Variants in HDGFL3 observed in about 807,000 individuals in gnomAD.
HDGFL3 encodes hepatoma-derived growth factor-related protein 3.
Under a neutral mutation model 27.6 loss-of-function variants are expected in HDGFL3, and 6 were observed. The observed-to-expected ratio is 0.22, with a 90% CI of 0.12 to 0.43. The LOEUF (loss-of-function observed/expected upper bound fraction) is 0.43. Among genes scored for constraint, HDGFL3 ranks in the 20% least tolerant of loss-of-function variants. The pLI is 1.00. For synonymous variants in HDGFL3, 88 were observed against 88.9 expected, an observed-to-expected ratio of 0.99 and a Z score of 0.05; for missense variants, 207 against 250.1, an observed-to-expected ratio of 0.83 and a Z score of 1.16.
chr15:83,203,529 T>C (rs968473156), intron 1 of HDGFL3, among the ~76,000 whole-genome samples: 5 of 152,060 alleles, frequency 3.3e-5, no homozygotes, highest in Admixed American at 6.5e-5. Flanking sequence ...ACAAAAATAA[T>C]ATTAGTAATG....
chr15:83,178,090 A>G (rs2037334800), intron 1 of HDGFL3, among the ~76,000 whole-genome samples: 1 of 152,218 alleles, frequency 6.6e-6, no homozygotes, highest in Non-Finnish European at 1.5e-5. Context: ...AGGTTTGTGG[A>G]AAGGAAAATG....
intron 1 of HDGFL3, among the ~76,000 whole-genome samples, chr15:83,170,043 T>C (rs753293312): frequency 6.6e-6 from 1 of 152,156 alleles, no homozygotes; most frequent in Non-Finnish European, 1.5e-5. Context: ...CAAGGAGAAC[T>C]ACAAACACTG....
Position 83,132,158 on chromosome 15 carries a change from C to T in HDGFL3, c.*7112G>A, listed in dbSNP as rs28754750. The stretch of plus-strand genomic sequence containing the variant: ...GCTGTTAGGGTTGGATGAGGTAATA[C>T]ATGTAAAGGGCTTAAAACAGTGTCT... On this transcript the variant is annotated 3_prime_UTR_variant, in exon 6 of 6. Coordinates refer to ENST00000299633, the MANE Select transcript of HDGFL3 (RefSeq NM_016073.4). 0.38 allele frequency: 58,094 copies of T among 152,006 alleles called. 13,148 individuals carry two copies. The highest frequency in any genetic ancestry group is 0.64 in the African/African-American group (26,429 of 41,430). 9.4% of individuals were successfully genotyped at this position (152,006 alleles called of 1,614,324 possible). A position where few individuals can be genotyped will look rare whatever the true frequency, so the allele number is the denominator to read the frequency against.
At chr15:83,122,232 G>A (rs1225551586) in intron 3 of HDGFL3, among the ~76,000 whole-genome samples, 1 of 152,060 alleles carries the variant, frequency 6.6e-6, no homozygotes, top group Non-Finnish European at 1.5e-5. Context: ...AAGTTATCAG[G>A]GATTCCTGTT....
intron 1 of HDGFL3, among the ~76,000 whole-genome samples, chr15:83,198,054 C>CAAAAAAAAAAAA (rs766372255): frequency 0.018 from 1,062 of 57,522 alleles, 125 homozygotes; most frequent in Admixed American, 0.022. Context: ...GACTCCGTCT[C>CAAAAAAAAAAAA]AAAAAAAAAA....
At position 83,138,889 on chromosome 15, in the gene HDGFL3, CTAAA is replaced by C; in HGVS notation, c.*377_*380del. 6.3e-6 allele frequency: 1 copy of C among 159,504 alleles called. No individual in the cohort carries two copies. 9.9% of individuals were successfully genotyped at this position (159,504 alleles called of 1,614,324 possible). On this transcript the variant is annotated 3_prime_UTR_variant, in exon 6 of 6. Transcript: ENST00000299633. ...CTTAAGCATTATGTTGAGTGGTCATCTAAAAAATGTTAATTTATATTTAACTGAG... is the reference window on the plus strand; with the variant it reads ...CTTAAGCATTATGTTGAGTGGTCATCAAATGTTAATTTATATTTAACTGAG...
chr15:83,151,305 T>C lies in HDGFL3; in HGVS notation c.516A>G (p.Lys172=). 1.9e-6 allele frequency: 3 copies of C among 1,613,478 alleles called. No individual in the cohort carries two copies. The highest frequency in any genetic ancestry group is 2.5e-6 in the Non-Finnish European group (3 of 1,179,698). Residue 172 remains lysine (K), a synonymous_variant, in exon 5 of 6, where the codon AAA becomes AAG. Transcript: ENST00000299633. ...SPGDEDDKDC[K]EEENKSSSEG... is the part of the protein sequence containing the mutation. ...CAGAGCTGCTTTTGTTTTCCTCTTC[T>C]TTGCAGTCTTTGTCATCTTCATCTC...
chr15:83,122,732 C>A (rs2035383555), intron 3 of HDGFL3: 2 of 1,608,538 alleles, frequency 1.2e-6, no homozygotes, highest in South Asian at 2.2e-5. Flanking sequence ...TTGGTAACTT[C>A]TTTCTCTTTC....
chr15:83,181,804 C>T (rs1231954948), intron 1 of HDGFL3, among the ~76,000 whole-genome samples: 1 of 152,118 alleles, frequency 6.6e-6, no homozygotes, highest in Non-Finnish European at 1.5e-5. Context: ...ATTGAGTTGT[C>T]TGATCTGGCT....
intron 1 of HDGFL3, among the ~76,000 whole-genome samples, chr15:83,169,756 C>T (rs1167589000): frequency 6.6e-6 from 1 of 152,086 alleles, no homozygotes; most frequent in Non-Finnish European, 1.5e-5. Flanking sequence ...GCCGAGATTG[C>T]ATCACTGTAC....
intron 1 of HDGFL3, among the ~76,000 whole-genome samples, chr15:83,204,350 A>G (rs1463166525): frequency 6.6e-6 from 1 of 152,124 alleles, no homozygotes; most frequent in Non-Finnish European, 1.5e-5. Context: ...AGAGAAAAGG[A>G]TCCATTCAAA....
chr15:83,163,301 C>T (rs1215583834), intron 2 of HDGFL3, among the ~76,000 whole-genome samples: 1 of 152,126 alleles, frequency 6.6e-6, no homozygotes, highest in Non-Finnish European at 1.5e-5. Flanking sequence ...TGTTCTTCAC[C>T]TCTTCTCTTT....
At chr15:83,191,813 G>C (rs147435581) in intron 1 of HDGFL3, among the ~76,000 whole-genome samples, 2 of 151,570 alleles carry the variant, frequency 1.3e-5, no homozygotes, top group Non-Finnish European at 2.9e-5. Flanking sequence ...AAAAATCACC[G>C]AATCCAAGCA....
Position 83,140,553 on chromosome 15 carries a change from C to A in HDGFL3, c.607-1278G>T, listed in dbSNP as rs185185367. Among the ~76,000 whole-genome samples the A allele has an allele frequency of 4.9e-3, 722 of 146,072 alleles. 2 individuals are homozygous for A. The highest frequency in any genetic ancestry group is 7.1e-3 in the Non-Finnish European group (477 of 67,396). Reference sequence around the variant, plus strand: ...CTGGAGTACAGTGGCGTGATGTGAGCTCACTGCAACCTCCACCTCCCCGGT... The same window carrying A: ...CTGGAGTACAGTGGCGTGATGTGAGATCACTGCAACCTCCACCTCCCCGGT... On this transcript the variant is annotated intron_variant, in intron 5 of 5. Transcript: ENST00000299633.
rs953775880 is a variant in HDGFL3, at chr15:83,134,750, C to A, written c.*4520G>T. On this transcript the variant is annotated 3_prime_UTR_variant, in exon 6 of 6. Transcript: ENST00000299633. ...TATCTATAAAGACAGAACCACCAAA[C>A]CCAGATTTCTGAGAACCAGGGATCA... 2.0e-5 allele frequency: 3 copies of A among 152,208 alleles called. No individual in the cohort carries two copies. Among genetic ancestry groups the A allele is most frequent in the African/African-American group, 7.2e-5 (3 of 41,448 alleles). The allele number at this position is 152,208 out of a possible 1,614,324, so 9.4% of individuals were successfully genotyped here. A position where few individuals can be genotyped will look rare whatever the true frequency, so the allele number is the denominator to read the frequency against.
chr15:83,194,127 T>G (rs2037543555), intron 1 of HDGFL3, among the ~76,000 whole-genome samples: 1 of 152,196 alleles, frequency 6.6e-6, no homozygotes, highest in Non-Finnish European at 1.5e-5. Flanking sequence ...TTCATGTTCA[T>G]AACAGCATCA....
chr15:83,207,562 C>A lies in HDGFL3; in HGVS notation c.-148G>T. On this transcript the variant is annotated 5_prime_UTR_variant, in exon 1 of 6. Transcript: ENST00000299633. The surrounding 1 kb of genome is among the most constrained non-coding windows in gnomAD (Gnocchi z 4.8). ...GCTCCGACGAGGGGAAGCGGCGAGG[C>A]GGCGGCTGAGGCAAGGGGTGGGCGG... 2 of 508,978 alleles carry A rather than the reference C, an allele frequency of 3.9e-6. No individual in the cohort carries two copies. 31.5% of individuals were successfully genotyped at this position (508,978 alleles called of 1,614,324 possible).
chr15:83,136,675 A>G lies in HDGFL3; in HGVS notation c.*2595T>C. 1 of 1,589,772 alleles carries G rather than the reference A, an allele frequency of 6.3e-7. No homozygotes were observed. Among genetic ancestry groups the G allele is most frequent in the Non-Finnish European group, 8.5e-7 (1 of 1,172,224 alleles). The stretch of plus-strand genomic sequence containing the variant: ...AGGCAGAAGAAAAAGTGGAATAAAA[A>G]TATTACTTCATGTTCCTCCTTTCTA... On this transcript the variant is annotated 3_prime_UTR_variant, in exon 6 of 6. Coordinates refer to ENST00000299633, the MANE Select transcript of HDGFL3 (RefSeq NM_016073.4).
chr15:83,176,292 A>C (rs2037309343), intron 1 of HDGFL3, among the ~76,000 whole-genome samples: 1 of 152,244 alleles, frequency 6.6e-6, no homozygotes, highest in South Asian at 2.1e-4. Context: ...AAATCTCTTA[A>C]AATAAAAGCT....
Sources: allele counts gnomAD v4.1 joint callset (sites outside exome capture counted in the v4.1 genomes callset), GRCh38; gene constraint gnomAD v4.1.1; non-coding constraint Gnocchi (gnomAD v3.1); transcripts MANE v1.5; gene names NCBI Gene and HGNC (gene_info 2026-07-23, HGNC 2026-07-21).